The following FSTL4 variants were observed in gnomAD, a reference collection of about 807,000 sequenced individuals.
FSTL4 encodes the protein follistatin like 4.
FSTL4 carries 28 observed loss-of-function variants against 78.2 expected under a neutral mutation model. The observed-to-expected ratio is 0.36, with a 90% CI of 0.27 to 0.49. FSTL4 has a LOEUF of 0.49. Among genes scored for constraint, FSTL4 ranks in the 20% least tolerant of loss-of-function variants. The pLI is 0.98. For synonymous variants in FSTL4, 422 were observed against 440.5 expected (o/e 0.96, Z 0.53); for missense variants, 922 against 1,084.9 (o/e 0.85, Z 2.11).
At chr5:133,726,544 T>C in the FSTL4 span, among the ~76,000 whole-genome samples, 1 of 152,182 alleles carries the variant, frequency 6.6e-6, no homozygotes, top group Non-Finnish European at 1.5e-5. Flanking sequence ...TTTATCCCCA[T>C]GAGCGAGCCA....
chr5:133,298,097 C>G (rs1489561850), intron 6 of FSTL4, among the ~76,000 whole-genome samples: 1 of 152,230 alleles, frequency 6.6e-6, no homozygotes, highest in Non-Finnish European at 1.5e-5. Flanking sequence ...CTGTAACTCT[C>G]TAGCTGAGAG....
chr5:133,206,281 A>AT (rs1214261087), intron 14 of FSTL4, among the ~76,000 whole-genome samples: 2 of 152,120 alleles, frequency 1.3e-5, no homozygotes, highest in South Asian at 2.1e-4. Flanking sequence ...CAGTCAGTTA[A>AT]TTTTTTTAAA....
chr5:133,804,701 A>G, the FSTL4 span, among the ~76,000 whole-genome samples: 3 of 152,032 alleles, frequency 2.0e-5, no homozygotes, highest in African/African-American at 4.8e-5. Context: ...AGAACTGCAC[A>G]TGTTGGGCCG....
chr5:133,539,949 G>GTTTTTTTT (rs10623473), intron 3 of FSTL4, among the ~76,000 whole-genome samples: 1 of 147,190 alleles, frequency 6.8e-6, no homozygotes, highest in Non-Finnish European at 1.5e-5. Context: ...TTCTGTGAAG[G>GTTTTTTTT]TTTTTTTTTT....
At chr5:133,579,647 T>C (rs1055377571) in intron 2 of FSTL4, among the ~76,000 whole-genome samples, 7 of 152,204 alleles carry the variant, frequency 4.6e-5, no homozygotes, top group Admixed American at 6.5e-5. Context: ...CAATAAATGA[T>C]ACAACTTAAC....
chr5:133,740,741 G>A, the FSTL4 span, among the ~76,000 whole-genome samples: 1 of 152,210 alleles, frequency 6.6e-6, no homozygotes, highest in Non-Finnish European at 1.5e-5. Flanking sequence ...GTGGAGAATG[G>A]ACTAAAGGTG....
At chr5:133,606,052 G>A (rs948390659) in intron 1 of FSTL4, among the ~76,000 whole-genome samples, 2 of 152,162 alleles carry the variant, frequency 1.3e-5, no homozygotes, top group African/African-American at 4.8e-5. Context: ...ATCTTACAGG[G>A]AGAAGGAGCA....
chr5:133,519,020 C>T (rs1448900219), intron 3 of FSTL4, among the ~76,000 whole-genome samples: 2 of 152,132 alleles, frequency 1.3e-5, no homozygotes, highest in African/African-American at 4.8e-5. Context: ...CACCACTTTA[C>T]AAATAAAAGT....
chr5:133,470,069 C>T (rs1006173627), intron 3 of FSTL4, among the ~76,000 whole-genome samples: 2 of 152,160 alleles, frequency 1.3e-5, no homozygotes, highest in African/African-American at 2.4e-5. Context: ...GGGCTGCTCA[C>T]GTGACACCCA....
chr5:133,727,105 A>C, the FSTL4 span, among the ~76,000 whole-genome samples: 1 of 152,202 alleles, frequency 6.6e-6, no homozygotes, highest in South Asian at 2.1e-4. Flanking sequence ...TCCAGAGCTA[A>C]CTATGTCCCA....
At chr5:133,480,283 G>A (rs755080961) in intron 3 of FSTL4, among the ~76,000 whole-genome samples, 1 of 152,314 alleles carries the variant, frequency 6.6e-6, no homozygotes, top group East Asian at 1.9e-4. Flanking sequence ...CTGCAAAATC[G>A]GGACCATAAT....
At chr5:133,372,413 T>C (rs557259327) in intron 4 of FSTL4, among the ~76,000 whole-genome samples, 1 of 152,182 alleles carries the variant, frequency 6.6e-6, no homozygotes, top group East Asian at 1.9e-4. Flanking sequence ...AGAGAACACA[T>C]AACTGAGCTC....
chr5:133,782,743 T>C, the FSTL4 span, among the ~76,000 whole-genome samples: 3 of 152,220 alleles, frequency 2.0e-5, no homozygotes, highest in African/African-American at 7.2e-5. Flanking sequence ...AGTATTTTTG[T>C]CATCCACAAC....
At chr5:133,217,166 G>A in intron 13 of FSTL4, 63 bp downstream of exon 13, 2 of 1,417,110 alleles carry the variant, frequency 1.4e-6, no homozygotes, top group Non-Finnish European at 2.0e-6. Flanking sequence ...AGAAAGCAAA[G>A]AAGAATGTGG....
chr5:133,235,304 A>G (rs1189171127), intron 7 of FSTL4, among the ~76,000 whole-genome samples: 3 of 152,040 alleles, frequency 2.0e-5, no homozygotes, highest in Non-Finnish European at 4.4e-5. Context: ...ACATGGTGAA[A>G]CCCTGTCTCT....
At chr5:133,358,508 T>C (rs1754990781) in intron 4 of FSTL4, among the ~76,000 whole-genome samples, 1 of 151,432 alleles carries the variant, frequency 6.6e-6, no homozygotes. Flanking sequence ...CCAAGTGCTG[T>C]CCTCCCCAGG....
chr5:133,681,986 G>A, the FSTL4 span, among the ~76,000 whole-genome samples: 1 of 152,318 alleles, frequency 6.6e-6, no homozygotes, highest in Admixed American at 6.5e-5. Flanking sequence ...TTCCACAGTG[G>A]TTTCGTTCCA....
intron 6 of FSTL4, among the ~76,000 whole-genome samples, chr5:133,308,462 A>T (rs980098669): frequency 3.3e-5 from 5 of 152,180 alleles, no homozygotes; most frequent in Admixed American, 6.5e-5. Flanking sequence ...CCCTACCTAG[A>T]TAAAGAGCCA....
chr5:133,306,583 T>C (rs1030839944), intron 6 of FSTL4, among the ~76,000 whole-genome samples: 3 of 152,196 alleles, frequency 2.0e-5, no homozygotes, highest in African/African-American at 7.2e-5. Flanking sequence ...AGGCTGATGC[T>C]TCTCTACCAA....
Sources: allele counts gnomAD v4.1 joint callset (sites outside exome capture counted in the v4.1 genomes callset), GRCh38; gene constraint gnomAD v4.1.1; transcripts MANE v1.5; gene names NCBI Gene and HGNC (gene_info 2026-07-23, HGNC 2026-07-21).